Variants in PPARD observed in about 807,000 individuals in gnomAD.
PPARD encodes the protein peroxisome proliferator activated receptor delta.
PPARD carries 6 observed loss-of-function variants against 39.5 expected under a neutral mutation model. The observed-to-expected ratio is 0.15, with a 90% CI of 0.08 to 0.30. The LOEUF (loss-of-function observed/expected upper bound fraction) is 0.30, where lower values mean the gene tolerates loss of function less well. PPARD is among the 10% of genes least tolerant of loss of function. PPARD has a pLI of 1.00. For synonymous variants in PPARD, 210 were observed against 231.3 expected, an observed-to-expected ratio of 0.91 and a Z score of 0.83; for missense variants, 397 against 596.8, an observed-to-expected ratio of 0.67 and a Z score of 3.49.
intron 2 of PPARD, among the ~76,000 whole-genome samples, chr6:35,385,420 G>C: frequency 6.6e-6 from 1 of 150,382 alleles, no homozygotes; most frequent in Non-Finnish European, 1.5e-5. Context: ...TTGTTAAACA[G>C]ATGCTTGAAG....
intron 2 of PPARD, among the ~76,000 whole-genome samples, chr6:35,351,817 C>A (rs961343578): frequency 2.2e-4 from 33 of 151,012 alleles, no homozygotes; most frequent in African/African-American, 7.8e-4. Context: ...CTGCCTCAGC[C>A]TCCCAAATTA....
intron 2 of PPARD, among the ~76,000 whole-genome samples, chr6:35,400,386 T>C (rs1764626325): frequency 6.6e-6 from 1 of 152,188 alleles, no homozygotes. Flanking sequence ...CTCATCTCAC[T>C]GGGTCGATTA....
Position 35,367,430 on chromosome 6 carries a change from C to T in PPARD, c.-102+20280C>T, listed in dbSNP as rs544235545. ...TGGCCTGCGCTTCAGACTTTCACAG[C>T]CCGTTCACTTCTGTTGAAACTCACA... On this transcript the variant is annotated intron_variant, in intron 2 of 7. Coordinates refer to ENST00000360694, the MANE Select transcript of PPARD (RefSeq NM_006238.5). 2.4e-3 allele frequency among the ~76,000 whole-genome samples: 368 copies of T among 152,294 alleles called. 4 individuals carry two copies. Among genetic ancestry groups the T allele is most frequent in the African/African-American group, 8.6e-3 (358 of 41,550 alleles).
At position 35,399,636 on chromosome 6, in the gene PPARD, G is replaced by C. The variant is rs553014954; in HGVS notation, c.-101-11351G>C. ...AGGCTGAAGTAGGAGGATCACTTGA[G>C]CCTAGGAGGTGGTTCAGTGAACTGA... On this transcript the variant is annotated intron_variant, in intron 2 of 7. Transcript: ENST00000360694. 6.8e-4 allele frequency among the ~76,000 whole-genome samples: 103 copies of C among 152,190 alleles called. 1 individual carries two copies. In the South Asian group the frequency reaches 7.7e-3, roughly 11 times the overall value.
intron 2 of PPARD, among the ~76,000 whole-genome samples, chr6:35,409,073 C>T (rs1765255620): frequency 6.6e-6 from 1 of 152,112 alleles, no homozygotes; most frequent in African/African-American, 2.4e-5. Flanking sequence ...GGTTTTCCCA[C>T]TCTAATGATT....
chr6:35,348,783 G>T, intron 2 of PPARD: 1 of 985,432 alleles, frequency 1.0e-6, no homozygotes, highest in Non-Finnish European at 1.2e-6. Flanking sequence ...TTCCTCTGAA[G>T]GGAATGTGAG....
chr6:35,352,937 C>A (rs1761351651), intron 2 of PPARD, among the ~76,000 whole-genome samples: 1 of 152,176 alleles, frequency 6.6e-6, no homozygotes, highest in Non-Finnish European at 1.5e-5. Flanking sequence ...AGGACCAGTT[C>A]AGATTCAAGG....
At chr6:35,390,237 A>G (rs1408079309) in intron 2 of PPARD, among the ~76,000 whole-genome samples, 1 of 152,166 alleles carries the variant, frequency 6.6e-6, no homozygotes, top group Non-Finnish European at 1.5e-5. Context: ...TTCTTCCTCC[A>G]CAGTGGCCAC....
chr6:35,423,902 G>C (rs199561824), intron 5 of PPARD, 44 bp from the exon 6 acceptor site: 430 of 1,598,142 alleles, frequency 2.7e-4, no homozygotes, highest in Non-Finnish European at 3.6e-4. Context: ...AGAGGTGCTG[G>C]GGCCTGCCTG....
At chr6:35,420,404 C>A in intron 4 of PPARD, 123 bp downstream of exon 4, 1 of 1,317,220 alleles carries the variant, frequency 7.6e-7, no homozygotes, top group Non-Finnish European at 1.0e-6. Flanking sequence ...GAATTCCTGC[C>A]CAGGAGGCAG....
intron 2 of PPARD, among the ~76,000 whole-genome samples, chr6:35,405,802 G>A (rs1765011456): frequency 6.6e-6 from 1 of 151,844 alleles, no homozygotes; most frequent in Admixed American, 6.6e-5. Context: ...GCTAATTTTT[G>A]TATTTTTAGT....
rs1415610120 is a variant in PPARD at position 35,401,233 on chromosome 6, G to T, written c.-101-9754G>T. 1.3e-5 allele frequency among the ~76,000 whole-genome samples: 2 copies of T among 152,104 alleles called. No individual in the cohort carries two copies. The highest frequency in any genetic ancestry group is 2.9e-5 in the Non-Finnish European group (2 of 68,002). On this transcript the variant is annotated intron_variant, in intron 2 of 7. Coordinates refer to ENST00000360694, the MANE Select transcript of PPARD (RefSeq NM_006238.5). This position sits in a 1 kb window ranked among gnomAD's most constrained non-coding sequence, Gnocchi z 4.1. ...AACTCCTCAGCCTGAGTCTTCCCAG[G>T]AACACAACAGGCAGCTGCTTCCCAG...
chr6:35,364,518 G>C (rs535128759), intron 2 of PPARD, among the ~76,000 whole-genome samples: 200 of 143,908 alleles, frequency 1.4e-3, no homozygotes, highest in African/African-American at 4.9e-3. Flanking sequence ...ACTGCAACCT[G>C]AACCTCCCTG....
intron 2 of PPARD, among the ~76,000 whole-genome samples, chr6:35,364,147 T>TATA: frequency 6.6e-6 from 1 of 152,298 alleles, no homozygotes; most frequent in South Asian, 2.1e-4. Context: ...AATGGAATTA[T>TATA]ATAATATGTA....
In PPARD at chr6:35,427,815, G is replaced by A. The variant is rs1766677589; in HGVS notation, c.*1736G>A. The A allele has an allele frequency of 6.5e-6, 1 of 152,700 alleles. No individual in the cohort carries two copies. The highest frequency in any genetic ancestry group is 1.5e-5 in the Non-Finnish European group (1 of 68,130). 9.5% of individuals were successfully genotyped at this position (152,700 alleles called of 1,614,324 possible). ...GGAGCCATTCTGTGTGTGACTCTGG[G>A]TGGAAGTGCCCAGCCCCTGCCCCTA... On this transcript the variant is annotated 3_prime_UTR_variant, in exon 8 of 8. Coordinates refer to ENST00000360694, the MANE Select transcript of PPARD (RefSeq NM_006238.5).
In PPARD at chr6:35,420,104, G is replaced by A. The variant is rs17847870; in HGVS notation, c.131-23G>A. The A allele has an allele frequency of 1.3e-5, 21 of 1,606,216 alleles. No homozygotes were observed. The Admixed American group carries it at 2.7e-4, about 21-fold the overall frequency. On this transcript the variant is annotated intron_variant, in intron 3 of 7. Coordinates refer to ENST00000360694, the MANE Select transcript of PPARD (RefSeq NM_006238.5). ...TCCAGGCCTGGCAGCATGTGGAGCT[G>A]CCCCTCCATCGTGTGTCCGCAGACC...
chr6:35,376,787 G>A (rs992104570), intron 2 of PPARD, among the ~76,000 whole-genome samples: 1 of 151,298 alleles, frequency 6.6e-6, no homozygotes, highest in Non-Finnish European at 1.5e-5. Context: ...TTGGGAGGCC[G>A]AGGCAGGGGG....
intron 2 of PPARD, among the ~76,000 whole-genome samples, chr6:35,405,245 G>A (rs1764962919): frequency 6.6e-6 from 1 of 151,816 alleles, no homozygotes. Context: ...TGCCATGTTG[G>A]CCAGGGTAGT....
chr6:35,378,995 T>G (rs1322246896), intron 2 of PPARD, among the ~76,000 whole-genome samples: 2 of 152,010 alleles, frequency 1.3e-5, no homozygotes, highest in Non-Finnish European at 2.9e-5. Flanking sequence ...TGATGAACAA[T>G]GACAGCACCA....
Sources: gnomAD v4.1 joint callset for allele counts (sites outside exome capture counted in the v4.1 genomes callset) on GRCh38, gnomAD v4.1.1 for gene constraint, Gnocchi (gnomAD v3.1) non-coding constraint, MANE v1.5 for transcripts, NCBI Gene and HGNC (gene_info 2026-07-23, HGNC 2026-07-21) for gene names.